The following TAFA1 variants were observed in gnomAD, a reference collection of about 807,000 sequenced individuals.
The protein encoded by TAFA1 is TAFA chemokine like family member 1.
Under a neutral mutation model 18.5 loss-of-function variants are expected in TAFA1, and 4 were observed. The observed-to-expected ratio is 0.22, with a 90% CI of 0.11 to 0.49. TAFA1 has a LOEUF of 0.49. Among genes scored for constraint, TAFA1 ranks in the 20% least tolerant of loss-of-function variants. The probability of loss-of-function intolerance (pLI) is 0.98; values close to 1 mark genes in which losing one functional copy is unlikely to be tolerated. For synonymous variants in TAFA1, 56 were observed against 55.2 expected (o/e 1.01, Z -0.06); for missense variants, 147 against 169.0 (o/e 0.87, Z 0.72).
At chr3:68,406,551 A>C (rs2070613911) in intron 2 of TAFA1, among the ~76,000 whole-genome samples, 1 of 152,152 alleles carries the variant, frequency 6.6e-6, no homozygotes. Context: ...ATCCAGGGTG[A>C]ATGCCCCACT....
chr3:68,227,548 A>G (rs80195726), intron 2 of TAFA1, among the ~76,000 whole-genome samples: 2,498 of 152,340 alleles, frequency 0.016, 60 homozygotes, highest in African/African-American at 0.056. Flanking sequence ...GACACTTTCC[A>G]TGTAGCAAGT....
At chr3:68,169,752 A>G (rs2066028939) in intron 2 of TAFA1, among the ~76,000 whole-genome samples, 1 of 152,234 alleles carries the variant, frequency 6.6e-6, no homozygotes, top group African/African-American at 2.4e-5. Context: ...CTTTTTAACT[A>G]GGCATTACAA....
intron 3 of TAFA1, among the ~76,000 whole-genome samples, chr3:68,495,574 A>AT (rs1248639468): frequency 6.6e-6 from 1 of 152,122 alleles, no homozygotes; most frequent in Admixed American, 6.5e-5. Context: ...CGTTTCATTG[A>AT]TTTTAGTTAG....
intron 3 of TAFA1, among the ~76,000 whole-genome samples, chr3:68,454,924 C>G (rs971379938): frequency 1.3e-5 from 2 of 152,052 alleles, no homozygotes; most frequent in East Asian, 3.9e-4. Context: ...GAGCACCAAT[C>G]CCCTAGACAG....
At chr3:68,101,655 T>C (rs771200711) in intron 2 of TAFA1, among the ~76,000 whole-genome samples, 6 of 152,148 alleles carry the variant, frequency 3.9e-5, no homozygotes, top group Non-Finnish European at 8.8e-5. Context: ...TAAAAAGCAA[T>C]ACTTCCCATG....
chr3:68,526,835 A>G (rs1416795275), intron 3 of TAFA1, among the ~76,000 whole-genome samples: 1 of 152,148 alleles, frequency 6.6e-6, no homozygotes, highest in African/African-American at 2.4e-5. Context: ...AATGTTAGAA[A>G]AGAATATGTA....
At chr3:68,439,602 G>T (rs1559670832) in intron 3 of TAFA1, among the ~76,000 whole-genome samples, 1 of 151,496 alleles carries the variant, frequency 6.6e-6, no homozygotes, top group Admixed American at 6.6e-5. Context: ...AAAGATGTAG[G>T]CTGGAAGGCT....
chr3:68,485,512 A>G (rs1411660624), intron 3 of TAFA1, among the ~76,000 whole-genome samples: 1 of 152,212 alleles, frequency 6.6e-6, no homozygotes, highest in Non-Finnish European at 1.5e-5. Context: ...TGCAATATTG[A>G]AACCCAAGTT....
intron 2 of TAFA1, among the ~76,000 whole-genome samples, chr3:68,307,788 G>T (rs1481218409): frequency 1.3e-5 from 2 of 151,866 alleles, no homozygotes; most frequent in African/African-American, 2.4e-5. Flanking sequence ...CCAAGAACTA[G>T]AAAGACATAA....
At chr3:68,216,705 A>G (rs1409744102) in intron 2 of TAFA1, among the ~76,000 whole-genome samples, 2 of 152,076 alleles carry the variant, frequency 1.3e-5, no homozygotes, top group Middle Eastern at 3.2e-3. Context: ...AATACATAAG[A>G]TGAGTCTGGA....
chr3:68,159,075 AT>A (rs1210410392), intron 2 of TAFA1, among the ~76,000 whole-genome samples: 1 of 152,188 alleles, frequency 6.6e-6, no homozygotes, highest in Admixed American at 6.5e-5. Context: ...AAGGGTATGA[AT>A]TTTAGTTTCG....
At chr3:68,392,444 C>T (rs557741329) in intron 2 of TAFA1, among the ~76,000 whole-genome samples, 2 of 152,210 alleles carry the variant, frequency 1.3e-5, no homozygotes, top group South Asian at 2.1e-4. Context: ...CAATATCAGA[C>T]AGATCAATGA....
At chr3:68,118,979 T>C (rs1398959959) in intron 2 of TAFA1, among the ~76,000 whole-genome samples, 1 of 152,196 alleles carries the variant, frequency 6.6e-6, no homozygotes, top group Admixed American at 6.5e-5. Context: ...ACGTCATTTT[T>C]CATCCCCACC....
chr3:68,203,839 A>T (rs540056845), intron 2 of TAFA1, among the ~76,000 whole-genome samples: 1 of 151,608 alleles, frequency 6.6e-6, no homozygotes, highest in African/African-American at 2.4e-5. Context: ...GTATATTTCA[A>T]AATGGTTGCT....
At chr3:68,423,788 TG>T (rs1559663629) in intron 3 of TAFA1, among the ~76,000 whole-genome samples, 1 of 143,468 alleles carries the variant, frequency 7.0e-6, no homozygotes, top group African/African-American at 2.6e-5. Flanking sequence ...ATATGGGGGG[TG>T]GGGGGCATTT....
chr3:68,334,902 A>C (rs1163878930), intron 2 of TAFA1, among the ~76,000 whole-genome samples: 2 of 152,202 alleles, frequency 1.3e-5, no homozygotes, highest in Non-Finnish European at 2.9e-5. Context: ...CCAAGGTGTC[A>C]CACATCACTT....
chr3:68,526,230 C>G (rs1315022971), intron 3 of TAFA1, among the ~76,000 whole-genome samples: 2 of 152,112 alleles, frequency 1.3e-5, no homozygotes, highest in Non-Finnish European at 2.9e-5. Flanking sequence ...TTAATCTAAT[C>G]CATTTAGAAA....
At chr3:68,141,129 C>T (rs1483238545) in intron 2 of TAFA1, among the ~76,000 whole-genome samples, 1 of 152,140 alleles carries the variant, frequency 6.6e-6, no homozygotes, top group Admixed American at 6.6e-5. Flanking sequence ...ATAACCTCAG[C>T]TCTTTGGAGT....
At chr3:68,121,272 TG>T (rs2065395102) in intron 2 of TAFA1, among the ~76,000 whole-genome samples, 1 of 151,800 alleles carries the variant, frequency 6.6e-6, no homozygotes, top group African/African-American at 2.4e-5. Context: ...TGTGTGTGTG[TG>T]TGTGTGTGTG....
Sources: gnomAD v4.1 joint callset for allele counts (sites outside exome capture counted in the v4.1 genomes callset) on GRCh38, gnomAD v4.1.1 for gene constraint, MANE v1.5 for transcripts, NCBI Gene and HGNC (gene_info 2026-07-23, HGNC 2026-07-21) for gene names.